MAST4: variants seen among roughly 807,000 people sequenced by gnomAD.
MAST4 encodes microtubule associated serine/threonine kinase family member 4, also known as microtubule-associated serine/threonine-protein kinase 4.
A neutral mutation model predicts 162.7 loss-of-function variants in MAST4; 89 were observed. That is an observed-to-expected ratio of 0.55 (90% confidence interval 0.46 to 0.65). The LOEUF (loss-of-function observed/expected upper bound fraction) is 0.65. MAST4 is among the 30% of genes least tolerant of loss of function. The pLI, the probability that MAST4 is intolerant of heterozygous loss-of-function variation, is 0.00. For synonymous variants in MAST4, 1,479 were observed against 1,361.1 expected (o/e 1.09, Z -1.91); for missense variants, 3,153 against 3,374.0 (o/e 0.93, Z 1.62).
intron 3 of MAST4, among the ~76,000 whole-genome samples, chr5:66,813,951 G>A (rs1467411996): frequency 2.6e-5 from 4 of 152,186 alleles, no homozygotes; most frequent in South Asian, 4.1e-4. Flanking sequence ...AGTGTGATAA[G>A]GTCTTTAATT....
rs771351781 is a variant in MAST4 at position 67,130,172 on chromosome 5, C to G, written c.1746-38C>G. On this transcript the variant is annotated intron_variant, in intron 14 of 28. Coordinates refer to ENST00000403625, the MANE Select transcript of MAST4 (RefSeq NM_001164664.2). ...TATCCCCAAAACATCCTTACTTTCT[C>G]TCCTCCTGTCAACCCCAATACTTCT... 200 of 1,562,958 alleles carry G rather than the reference C, an allele frequency of 1.3e-4. 3 individuals carry two copies. The South Asian group carries it at 2.2e-3, about 17-fold the overall frequency.
At chr5:66,755,615 T>G (rs978333801) in intron 1 of MAST4, among the ~76,000 whole-genome samples, 3 of 152,222 alleles carry the variant, frequency 2.0e-5, no homozygotes, top group African/African-American at 7.2e-5. Context: ...TTGTAAATGA[T>G]GTGCCTTCAT....
intron 4 of MAST4, chr5:66,964,130 G>A (rs991968944): frequency 4.6e-5 from 22 of 479,558 alleles, no homozygotes; most frequent in African/African-American, 3.8e-4. Flanking sequence ...TCCTATGAGA[G>A]TATTATAATA....
At chr5:66,937,395 C>T (rs972687945) in intron 4 of MAST4, among the ~76,000 whole-genome samples, 1 of 152,140 alleles carries the variant, frequency 6.6e-6, no homozygotes, top group African/African-American at 2.4e-5. Context: ...AAGTATATGG[C>T]ACCTAGTAGG....
chr5:66,661,163 C>A (rs1435462014), intron 1 of MAST4, among the ~76,000 whole-genome samples: 1 of 152,134 alleles, frequency 6.6e-6, no homozygotes, highest in East Asian at 1.9e-4. Flanking sequence ...AATAGAGGTT[C>A]TCTATATTCT....
intron 1 of MAST4, among the ~76,000 whole-genome samples, chr5:66,700,863 C>T (rs910669070): frequency 6.6e-6 from 1 of 150,536 alleles, no homozygotes; most frequent in Non-Finnish European, 1.5e-5. Context: ...TTGTGGATAA[C>T]ATATTCAAGT....
rs1410860504 is a variant in MAST4, at chr5:67,145,233, C to T, written c.2948C>T (p.Thr983Ile). ...SGLLPKLAIS[T>I]EGEQDEAASC... ...CTACTTCCCAAACTGGCTATTTCAACAGAGGGAGAGCAAGATGAAGCTGCC... is the reference window on the plus strand; with the variant it reads ...CTACTTCCCAAACTGGCTATTTCAATAGAGGGAGAGCAAGATGAAGCTGCC... Residue 983 changes from threonine (T) to isoleucine (I), a missense_variant, in exon 23 of 29, where the codon ACA (threonine) becomes ATA (isoleucine). Coordinates refer to ENST00000403625, the MANE Select transcript of MAST4 (RefSeq NM_001164664.2). 6.2e-7 allele frequency: 1 copy of T among 1,613,776 alleles called. No homozygotes were observed. Among genetic ancestry groups the T allele is most frequent in the East Asian group, 2.2e-5 (1 of 44,876 alleles).
chr5:67,152,806 C>A lies in MAST4; in HGVS notation c.3465C>A (p.Ile1155=). ...HSSGKNYGFT[I]RAIRVYVGDS... is the part of the protein sequence containing the mutation. ...CGGGGAAGAACTACGGCTTTACCAT[C>A]CGAGCCATCCGGGTGTATGTGGGAG... The change falls in exon 25 of 29, where the codon ATC becomes ATA. Residue 1155 remains isoleucine, a synonymous_variant. Transcript: ENST00000403625. 2 of 1,614,038 alleles carry A rather than the reference C, an allele frequency of 1.2e-6. No individual in the cohort carries two copies. Among genetic ancestry groups the A allele is most frequent in the Non-Finnish European group, 1.7e-6 (2 of 1,179,898 alleles).
intron 1 of MAST4, among the ~76,000 whole-genome samples, chr5:66,687,696 T>A (rs1748782024): frequency 6.6e-6 from 1 of 152,000 alleles, no homozygotes; most frequent in Non-Finnish European, 1.5e-5. Flanking sequence ...CACATTTTCA[T>A]TATCCAGTCA....
intron 12 of MAST4, among the ~76,000 whole-genome samples, chr5:67,115,293 G>A (rs756122583): frequency 8.5e-5 from 13 of 152,108 alleles, no homozygotes; most frequent in Admixed American, 2.6e-4. Context: ...TTGTCTTCTC[G>A]GTTCATTAAA....
chr5:66,596,770 G>C lies in MAST4; in HGVS notation c.115G>C (p.Ala39Pro). The part of the protein sequence containing the change: ...VAASSPGASS[A>P]ESSSGSETLS... Reference sequence around the variant, plus strand: ...CGCGTCCTCTCCGGGTGCTTCCTCGGCCGAGTCCTCCTCGGGCTCAGAAAC... The same window carrying C: ...CGCGTCCTCTCCGGGTGCTTCCTCGCCCGAGTCCTCCTCGGGCTCAGAAAC... The change falls in exon 1 of 29, where the codon GCC (alanine) becomes CCC (proline). Residue 39 changes from alanine to proline, a missense_variant. Ala to Pro is a conservative substitution (Grantham distance 27). Around this residue, in one of 7 missense-constraint regions of MAST4, gnomAD observed 327 missense variants for 336.5 expected, o/e 0.97. Coordinates refer to ENST00000403625, the MANE Select transcript of MAST4 (RefSeq NM_001164664.2). 1.4e-6 allele frequency: 2 copies of C among 1,388,574 alleles called. No homozygotes were observed. 86.0% of individuals were successfully genotyped at this position (1,388,574 alleles called of 1,614,324 possible).
At chr5:66,939,582 G>C (rs1403302521) in intron 4 of MAST4, among the ~76,000 whole-genome samples, 2 of 151,948 alleles carry the variant, frequency 1.3e-5, no homozygotes, top group Non-Finnish European at 2.9e-5. Flanking sequence ...GGGGTCATTT[G>C]TATCAATTTG....
chr5:66,713,852 G>A (rs1750646968), intron 1 of MAST4, among the ~76,000 whole-genome samples: 1 of 152,050 alleles, frequency 6.6e-6, no homozygotes, highest in Admixed American at 6.5e-5. Context: ...GGACCAGATG[G>A]CGTCTTATTT....
At chr5:66,785,177 G>A (rs1755055816) in intron 2 of MAST4, among the ~76,000 whole-genome samples, 1 of 152,310 alleles carries the variant, frequency 6.6e-6, no homozygotes, top group African/African-American at 2.4e-5. Context: ...GTTGCAGTGA[G>A]CTGAGATTGC....
At chr5:66,829,709 T>C (rs1009852571) in intron 3 of MAST4, among the ~76,000 whole-genome samples, 39 of 108,718 alleles carry the variant, frequency 3.6e-4, no homozygotes, top group African/African-American at 1.2e-3. Context: ...TATTTTGATA[T>C]TAAAAAAAAT....
At chr5:67,047,747 A>C (rs747661382) in intron 4 of MAST4, among the ~76,000 whole-genome samples, 1 of 152,176 alleles carries the variant, frequency 6.6e-6, no homozygotes, top group Non-Finnish European at 1.5e-5. Context: ...CTCTGATTTC[A>C]TGGGCCATAG....
At chr5:67,135,969 A>T (rs1042072359) in intron 18 of MAST4, among the ~76,000 whole-genome samples, 2 of 152,172 alleles carry the variant, frequency 1.3e-5, no homozygotes, top group Non-Finnish European at 2.9e-5. Flanking sequence ...AAATACTTCC[A>T]TTACTATGAT....
chr5:67,084,407 G>A (rs797003725), intron 5 of MAST4, among the ~76,000 whole-genome samples: 2 of 152,274 alleles, frequency 1.3e-5, no homozygotes, highest in African/African-American at 4.8e-5. Context: ...ATACACATCT[G>A]TATCTATCAG....
At chr5:66,809,159 C>T (rs979497718) in intron 3 of MAST4, among the ~76,000 whole-genome samples, 4 of 152,152 alleles carry the variant, frequency 2.6e-5, no homozygotes, top group Non-Finnish European at 5.9e-5. Context: ...CAGAACTTCC[C>T]CTCAGCCACC....
Sources: gnomAD v4.1 joint callset for allele counts (sites outside exome capture counted in the v4.1 genomes callset) on GRCh38, gnomAD v4.1.1 for gene constraint, gnomAD v4.1.1 regional missense constraint, MANE v1.5 for transcripts, NCBI Gene and HGNC (gene_info 2026-07-23, HGNC 2026-07-21) for gene names.